ANPEP: variants seen among roughly 807,000 people sequenced by gnomAD.
ANPEP encodes the protein alanyl aminopeptidase, membrane.
ANPEP carries 70 observed loss-of-function variants against 114.6 expected under a neutral mutation model. That is an observed-to-expected ratio of 0.61 (90% CI 0.50 to 0.75). The LOEUF (loss-of-function observed/expected upper bound fraction) is 0.75, where lower values mean the gene tolerates loss of function less well. Ranked by LOEUF, ANPEP falls within the 30% of genes least tolerant of loss-of-function variation. The probability of loss-of-function intolerance (pLI) is 0.00; values close to 1 mark genes in which losing one functional copy is unlikely to be tolerated. For synonymous variants in ANPEP, 548 were observed against 522.3 expected (o/e 1.05, Z -0.67); for missense variants, 1,184 against 1,259.5 (o/e 0.94, Z 0.91).
intron 1 of ANPEP, among the ~76,000 whole-genome samples, chr15:89,811,667 GAA>G (rs908240238): frequency 2.0e-5 from 3 of 147,882 alleles, no homozygotes; most frequent in African/African-American, 7.5e-5. Flanking sequence ...AAAAAAAAAA[GAA>G]AAAAAGAAAA....
At chr15:89,813,991 T>TAGG (rs796085758) in intron 1 of ANPEP, among the ~76,000 whole-genome samples, 2 of 111,758 alleles carry the variant, frequency 1.8e-5, no homozygotes, top group Admixed American at 1.6e-4. Context: ...ACCGCACTGC[T>TAGG]GGGGGGGGGG....
At chr15:89,791,131 C>T (rs748800977) in intron 18 of ANPEP, 38 bp from the exon 19 acceptor site, 1 of 1,608,114 alleles carries the variant, frequency 6.2e-7, no homozygotes, top group Non-Finnish European at 8.5e-7. Context: ...ACTGCTAATT[C>T]AGGTGACTCA....
At chr15:89,788,764 C>A (rs1191149297) in intron 20 of ANPEP, among the ~76,000 whole-genome samples, 1 of 144,012 alleles carries the variant, frequency 6.9e-6, no homozygotes, top group African/African-American at 2.6e-5. Context: ...CCATGCCCAG[C>A]TTATTTATTT....
chr15:89,803,714 G>A lies in ANPEP; in HGVS notation c.1370C>T (p.Thr457Ile), dbSNP rs1374952183. 6.2e-7 allele frequency: 1 copy of A among 1,613,244 alleles called. No individual in the cohort carries two copies. The highest frequency in any genetic ancestry group is 8.5e-7 in the Non-Finnish European group (1 of 1,179,568). Residue 457 changes from threonine (T) to isoleucine (I), a missense_variant, in exon 8 of 21, where the codon ACA becomes ATA. Coordinates refer to ENST00000300060, the MANE Select transcript of ANPEP (RefSeq NM_001150.3). This position sits in a 1 kb window ranked among gnomAD's most constrained non-coding sequence, Gnocchi z 4.2. ...DALASSHPLS[T>I]PASEINTPAQ... The stretch of plus-strand genomic sequence containing the variant: ...CGGCGTGTTGATCTCCGAGGCGGGT[G>A]TGGACAGCGGGTGGGAGGAGGCCAG...
rs1338675939 is a variant in ANPEP at position 89,803,251 on chromosome 15, G to A, written c.1557C>T (p.Asp519=). The change falls in exon 10 of 21, where the codon GAC becomes GAT. Residue 519 remains aspartate, a synonymous_variant. Transcript: ENST00000300060. The surrounding 1 kb of genome is among the most constrained non-coding windows in gnomAD (Gnocchi z 4.2). ...GGCTGCTACTGACCTCCTGCAGGTG[G>A]TCCCACAGGTTCAGGTAGATGGTGT... ...YQNTIYLNLW[D]HLQEAVNNRS... 1 of 1,613,956 alleles carries A rather than the reference G, an allele frequency of 6.2e-7. No individual in the cohort carries two copies. Among genetic ancestry groups the A allele is most frequent in the African/African-American group, 1.3e-5 (1 of 74,920 alleles).
Position 89,813,523 on chromosome 15 carries a change from G to C in ANPEP, c.-224+1249C>G, listed in dbSNP as rs538047521. ...TCCTTGCACTCATAGTGTGGCCTTC[G>C]AGGCTAGGGCTCCACAGGAAGGTGG... On this transcript the variant is annotated intron_variant, in intron 1 of 20. Coordinates refer to ENST00000300060, the MANE Select transcript of ANPEP (RefSeq NM_001150.3). Among the ~76,000 whole-genome samples the C allele has an allele frequency of 9.3e-4, 142 of 152,244 alleles. 3 individuals carry two copies. In the South Asian group the frequency reaches 0.012, roughly 13 times the overall value.
At chr15:89,808,202 G>A (rs535080892) in intron 1 of ANPEP, among the ~76,000 whole-genome samples, 10 of 152,284 alleles carry the variant, frequency 6.6e-5, no homozygotes, top group South Asian at 6.2e-4. Flanking sequence ...CCAGGGCCTT[G>A]GCACAACCTG....
At chr15:89,792,738 G>GT (rs1473631729) in intron 16 of ANPEP, among the ~76,000 whole-genome samples, 176 bp from the exon 17 acceptor site, 9 of 152,258 alleles carry the variant, frequency 5.9e-5, no homozygotes, top group Middle Eastern at 3.4e-3. Flanking sequence ...CCCCAAAGCA[G>GT]CCCTGTGACC....
At position 89,805,387 on chromosome 15, in the gene ANPEP, C is replaced by T; in HGVS notation, c.691G>A (p.Ala231Thr). Residue 231 changes from alanine (A) to threonine (T), a missense_variant, in exon 3 of 21, where the codon GCC becomes ACC. Ala to Thr is a moderately conservative substitution (Grantham distance 58). Transcript: ENST00000300060. The part of the protein sequence containing the change: ...FPCFDEPAMK[A>T]EFNITLIHPK... ...TGGATAAGCGTGATGTTGAACTCGG[C>T]CTTCATGGCCGGCTCATCGAAGCAT... 1 of 1,614,176 alleles carries T rather than the reference C, an allele frequency of 6.2e-7. No homozygotes were observed. Among genetic ancestry groups the T allele is most frequent in the East Asian group, 2.2e-5 (1 of 44,872 alleles).
At chr15:89,796,406 G>A (rs1262565973) in intron 15 of ANPEP, among the ~76,000 whole-genome samples, 4 of 152,194 alleles carry the variant, frequency 2.6e-5, no homozygotes, top group Non-Finnish European at 5.9e-5. Context: ...GGGGAATGTG[G>A]GGAAAGCAGT....
chr15:89,794,687 A>C (rs1290282152), intron 15 of ANPEP, among the ~76,000 whole-genome samples: 1 of 151,976 alleles, frequency 6.6e-6, no homozygotes, highest in African/African-American at 2.4e-5. Flanking sequence ...GGGGGCTCAG[A>C]AAGTGGGGTC....
chr15:89,814,541 G>A (rs1894874205), intron 1 of ANPEP, among the ~76,000 whole-genome samples: 1 of 152,190 alleles, frequency 6.6e-6, no homozygotes, highest in African/African-American at 2.4e-5. Flanking sequence ...CCCCTGCGAG[G>A]CCCGCTGGGG....
intron 4 of ANPEP, chr15:89,804,848 T>C: frequency 1.2e-6 from 1 of 818,464 alleles, no homozygotes; most frequent in South Asian, 1.8e-5. Context: ...CCACCGTCTG[T>C]CTGGTAACCG....
chr15:89,810,622 A>G (rs36107278), intron 1 of ANPEP, among the ~76,000 whole-genome samples: 38,485 of 152,046 alleles, frequency 0.25, 5,101 homozygotes, highest in African/African-American at 0.33. Flanking sequence ...AGTGTGTTCA[A>G]AAGCCTGCTG....
chr15:89,793,604 G>A (rs1417274268), intron 15 of ANPEP, among the ~76,000 whole-genome samples: 1 of 151,468 alleles, frequency 6.6e-6, no homozygotes, highest in African/African-American at 2.4e-5. Flanking sequence ...TTGGGAGGCT[G>A]AGGCAGGAGA....
rs114680142 is a variant in ANPEP, at chr15:89,786,849, G to A, written c.2752-1348C>T. Among the ~76,000 whole-genome samples, 1,166 of 152,134 alleles carry A rather than the reference G, an allele frequency of 7.7e-3. 8 individuals are homozygous for A. The highest frequency in any genetic ancestry group is 0.026 in the African/African-American group (1,074 of 41,494). ...CCAAAAACAAACCCTTATATTTACC[G>A]TCAATTGATTTTCAACTAGGTTGCC... On this transcript the variant is annotated intron_variant, in intron 20 of 20. Transcript: ENST00000300060.
chr15:89,801,538 T>C lies in ANPEP; in HGVS notation c.1639A>G (p.Met547Val), dbSNP rs756917232. The change falls in exon 11 of 21, where the codon ATG (methionine) becomes GTG (valine). Residue 547 changes from methionine to valine, a missense_variant. Coordinates refer to ENST00000300060, the MANE Select transcript of ANPEP (RefSeq NM_001150.3). The part of the protein sequence containing the change: ...RDIMNRWTLQ[M>V]GFPVITVDTS... ...TCCACCGTGATGACCGGGAAGCCCA[T>C]CTGCAGGGTCCAGCGGTTCATGATG... 6.2e-7 allele frequency: 1 copy of C among 1,614,132 alleles called. No individual in the cohort carries two copies. Among genetic ancestry groups the C allele is most frequent in the Admixed American group, 1.7e-5 (1 of 60,026 alleles).
At chr15:89,812,866 GC>G (rs1479297235) in intron 1 of ANPEP, among the ~76,000 whole-genome samples, 1 of 152,124 alleles carries the variant, frequency 6.6e-6, no homozygotes, top group Admixed American at 6.5e-5. Context: ...ATCTACTGTG[GC>G]CGTGCCAAGG....
Position 89,801,552 on chromosome 15 carries a change from C to T in ANPEP, c.1625G>A (p.Arg542His), listed in dbSNP as rs370456207. 2.5e-5 allele frequency: 40 copies of T among 1,614,054 alleles called. No homozygotes were observed. Among genetic ancestry groups the T allele is most frequent in the South Asian group, 2.0e-4 (18 of 91,090 alleles). ...LPTTVRDIMN[R>H]WTLQMGFPVI... ...CGGGAAGCCCATCTGCAGGGTCCAG[C>T]GGTTCATGATGTCCCGCACGGTGGT... The change falls in exon 11 of 21, where the codon CGC becomes CAC. Residue 542 changes from arginine to histidine, a missense_variant. Arg to His is a conservative substitution (Grantham distance 29). Transcript: ENST00000300060.
Sources: gnomAD v4.1 joint callset for allele counts (sites outside exome capture counted in the v4.1 genomes callset) on GRCh38, gnomAD v4.1.1 for gene constraint, Gnocchi (gnomAD v3.1) non-coding constraint, MANE v1.5 for transcripts, NCBI Gene and HGNC (gene_info 2026-07-23, HGNC 2026-07-21) for gene names.